ADAMTS20: variants seen among roughly 807,000 people sequenced by gnomAD.
The protein encoded by ADAMTS20 is ADAM metallopeptidase with thrombospondin type 1 motif 20, also known as A disintegrin and metalloproteinase with thrombospondin motifs 20.
Under a neutral mutation model 260.1 loss-of-function variants are expected in ADAMTS20, and 225 were observed. The observed-to-expected ratio is 0.87, with a 90% CI of 0.78 to 0.97. The LOEUF is 0.97. Ranked by LOEUF, ADAMTS20 falls within the 50% of genes least tolerant of loss-of-function variation. The probability of loss-of-function intolerance (pLI) is 0.00; values close to 1 mark genes in which losing one functional copy is unlikely to be tolerated. For missense variants in ADAMTS20, 2,400 were observed against 2,337.7 expected (o/e 1.03, Z -0.55); for synonymous variants, 802 against 769.5 (o/e 1.04, Z -0.70).
chr12:43,387,651 A>G (rs1565676033), intron 29 of ADAMTS20, among the ~76,000 whole-genome samples: 1 of 152,210 alleles, frequency 6.6e-6, no homozygotes, highest in Non-Finnish European at 1.5e-5. Flanking sequence ...AAGCTCCTGA[A>G]TGGGGCTGCT....
At chr12:43,410,969 G>C (rs1941019958) in intron 28 of ADAMTS20, among the ~76,000 whole-genome samples, 1 of 152,148 alleles carries the variant, frequency 6.6e-6, no homozygotes, top group East Asian at 1.9e-4. Context: ...TTTATGTTTT[G>C]TGTAGATAAG....
rs2137199179 is a variant in ADAMTS20 at position 43,369,373 on chromosome 12, G to A, written c.5455C>T (p.Leu1819Phe). Reference protein sequence around the residue: ...LTSMQIKTTDLLFSKTIFGNA... With the variant: ...LTSMQIKTTDFLFSKTIFGNA... ...CCAAATATTGTTTTGGAAAAAAGAA[G>A]GTCCGTAGCTAGAAAATAATAAATA... The change falls in exon 37 of 39, where the codon CTT becomes TTT. Residue 1819 changes from leucine to phenylalanine, a missense_variant. Physicochemically the swap from Leu to Phe is conservative, Grantham distance 22. Coordinates refer to ENST00000389420, the MANE Select transcript of ADAMTS20 (RefSeq NM_025003.5). 2.0e-6 allele frequency: 3 copies of A among 1,524,038 alleles called. No individual in the cohort carries two copies. The highest frequency in any genetic ancestry group is 2.5e-5 in the East Asian group (1 of 40,476). 94.4% of individuals were successfully genotyped at this position (1,524,038 alleles called of 1,614,324 possible). A position where few individuals can be genotyped will look rare whatever the true frequency, so the allele number is the denominator to read the frequency against.
intron 11 of ADAMTS20, among the ~76,000 whole-genome samples, chr12:43,456,194 T>C (rs1275054527): frequency 6.6e-6 from 1 of 152,234 alleles, no homozygotes; most frequent in Non-Finnish European, 1.5e-5. Context: ...AGTATCAGTT[T>C]ATAAATAATC....
At chr12:43,406,478 T>C (rs930792970) in intron 28 of ADAMTS20, among the ~76,000 whole-genome samples, 10 of 152,098 alleles carry the variant, frequency 6.6e-5, no homozygotes, top group African/African-American at 2.4e-4. Flanking sequence ...AAGATTAGTG[T>C]ATGAAACAAC....
At position 43,411,582 on chromosome 12, in the gene ADAMTS20, G is replaced by A. The variant is rs1462810406; in HGVS notation, c.4285-12349C>T. 3.9e-5 allele frequency among the ~76,000 whole-genome samples: 6 copies of A among 152,102 alleles called. No individual in the cohort carries two copies. In the East Asian group the frequency reaches 9.7e-4, roughly 24 times the overall value. On this transcript the variant is annotated intron_variant, in intron 28 of 38. Coordinates refer to ENST00000389420, the MANE Select transcript of ADAMTS20 (RefSeq NM_025003.5). ...AGGGTTTCACTATGTTGACCAGGCT[G>A]GTCTTGAACTTCTGACCTCAGGTGA...
At chr12:43,525,618 G>A (rs189025066) in intron 3 of ADAMTS20, among the ~76,000 whole-genome samples, 135 of 152,236 alleles carry the variant, frequency 8.9e-4, no homozygotes, top group Admixed American at 1.4e-3. Flanking sequence ...AATATCTACT[G>A]TCTTCAAGAG....
intron 28 of ADAMTS20, among the ~76,000 whole-genome samples, chr12:43,405,227 T>TCCAAAAA (rs1940889641): frequency 8.7e-5 from 1 of 11,542 alleles, no homozygotes; most frequent in Non-Finnish European, 1.8e-4. Context: ...ACCTCATCTC[T>TCCAAAAA]ACAAAAAAAA....
chr12:43,500,424 A>G (rs539236429), intron 4 of ADAMTS20, among the ~76,000 whole-genome samples: 116 of 152,312 alleles, frequency 7.6e-4, no homozygotes, highest in Middle Eastern at 3.4e-3. Context: ...GTACATATCA[A>G]CTGACATCCT....
intron 2 of ADAMTS20, among the ~76,000 whole-genome samples, chr12:43,545,786 A>G (rs1250286098): frequency 6.6e-6 from 1 of 151,392 alleles, no homozygotes; most frequent in Admixed American, 6.6e-5. Flanking sequence ...TTTTTTTCCT[A>G]TGTAAGCCTT....
rs760609517 is a variant in ADAMTS20, at chr12:43,429,709, G to A, written c.3397C>T (p.Pro1133Ser). ...TCAAGTTTAGAAATAAATGAGCAAG[G>A]TGTAAGTACACAGCTCTGTTCAGAA... ...PSDRQSCVLT[P>S]CSFISKLETA... is the part of the protein sequence containing the mutation. The change falls in exon 24 of 39, where the codon CCT (proline) becomes TCT (serine). Residue 1133 changes from proline to serine, a missense_variant. By Grantham distance (74) the Pro-to-Ser change is moderately conservative. Coordinates refer to ENST00000389420, the MANE Select transcript of ADAMTS20 (RefSeq NM_025003.5). The A allele has an allele frequency of 6.3e-7, 1 of 1,584,072 alleles. No homozygotes were observed. Among genetic ancestry groups the A allele is most frequent in the Non-Finnish European group, 8.6e-7 (1 of 1,163,198 alleles).
At chr12:43,445,677 T>TACACACACACAC (rs56762980) in intron 15 of ADAMTS20, among the ~76,000 whole-genome samples, 1 of 148,678 alleles carries the variant, frequency 6.7e-6, no homozygotes. Flanking sequence ...GACCCATCTC[T>TACACACACACAC]ACACACACAC....
chr12:43,495,481 C>T (rs1942664527), intron 4 of ADAMTS20, among the ~76,000 whole-genome samples: 1 of 152,096 alleles, frequency 6.6e-6, no homozygotes, highest in Non-Finnish European at 1.5e-5. Context: ...CTTATTGCTA[C>T]TTATAAAGCT....
intron 11 of ADAMTS20, among the ~76,000 whole-genome samples, chr12:43,462,676 T>C (rs963224142): frequency 3.9e-5 from 6 of 152,230 alleles, no homozygotes; most frequent in South Asian, 2.1e-4. Flanking sequence ...ATGCTAACTA[T>C]ACAAAACTTT....
intron 29 of ADAMTS20, among the ~76,000 whole-genome samples, chr12:43,397,808 A>G (rs973506914): frequency 2.0e-5 from 3 of 152,186 alleles, no homozygotes; most frequent in African/African-American, 7.2e-5. Flanking sequence ...TCAATTAAAC[A>G]TTGACCACAA....
rs1942121263 is a variant in ADAMTS20 at position 43,464,614 on chromosome 12, C to A, written c.1486G>T (p.Gly496Trp). 1 of 1,613,060 alleles carries A rather than the reference C, an allele frequency of 6.2e-7. No homozygotes were observed. Among genetic ancestry groups the A allele is most frequent in the Non-Finnish European group, 8.5e-7 (1 of 1,179,344 alleles). The change falls in exon 10 of 39, where the codon GGG (glycine) becomes TGG (tryptophan). Residue 496 changes from glycine to tryptophan, a missense_variant. By Grantham distance (184) the Gly-to-Trp change is radical. Transcript: ENST00000389420. Reference protein sequence around the residue: ...NKQCELAFGPGSQMCPHINIC... With the variant: ...NKQCELAFGPWSQMCPHINIC... ...ACTATATGGGGACACATTTGTGACC[C>A]AGGACCAAACGCAAGCTCACACTGC...
chr12:43,423,861 T>C (rs767169068), intron 28 of ADAMTS20: 2 of 724,012 alleles, frequency 2.8e-6, no homozygotes, highest in Non-Finnish European at 5.1e-6. Context: ...TGGCAAAATA[T>C]GTTTTTCATT....
At chr12:43,404,884 T>C (rs970174774) in intron 28 of ADAMTS20, among the ~76,000 whole-genome samples, 2 of 152,128 alleles carry the variant, frequency 1.3e-5, no homozygotes, top group East Asian at 1.9e-4. Context: ...ATATAAATTA[T>C]TGTGTTATAA....
chr12:43,479,487 C>G lies in ADAMTS20; in HGVS notation c.1118-10782G>C, dbSNP rs908695461. Among the ~76,000 whole-genome samples, 3 of 152,068 alleles carry G rather than the reference C, an allele frequency of 2.0e-5. No homozygotes were observed. The East Asian group carries it at 5.8e-4, about 29-fold the overall frequency. On this transcript the variant is annotated intron_variant, in intron 7 of 38. Transcript: ENST00000389420. ...AAAGAATATCAATAGATCACATTCT[C>G]TAACTGCAATAAAATTAAGTTGTAA...
At chr12:43,481,116 CT>C (rs1942434962) in intron 7 of ADAMTS20, among the ~76,000 whole-genome samples, 1 of 152,024 alleles carries the variant, frequency 6.6e-6, no homozygotes, top group Non-Finnish European at 1.5e-5. Flanking sequence ...TTTTAAAATT[CT>C]ATGGAATTCA....
Sources: gnomAD v4.1 joint callset for allele counts (sites outside exome capture counted in the v4.1 genomes callset) on GRCh38, gnomAD v4.1.1 for gene constraint, MANE v1.5 for transcripts, NCBI Gene and HGNC (gene_info 2026-07-23, HGNC 2026-07-21) for gene names.